FNIP1: variants seen among roughly 807,000 people sequenced by gnomAD.
The protein encoded by FNIP1 is folliculin-interacting protein 1.
A neutral mutation model predicts 124.5 loss-of-function variants in FNIP1; 40 were observed. The observed-to-expected ratio is 0.32, with a 90% CI of 0.25 to 0.42. The LOEUF (loss-of-function observed/expected upper bound fraction) is 0.42, where lower values mean the gene tolerates loss of function less well. Ranked by LOEUF, FNIP1 falls within the 10% of genes least tolerant of loss-of-function variation. The probability of loss-of-function intolerance (pLI) is 1.00; values close to 1 mark genes in which losing one functional copy is unlikely to be tolerated. For synonymous variants in FNIP1, 472 were observed against 470.6 expected (o/e 1.00, Z -0.04); for missense variants, 1,176 against 1,403.7 (o/e 0.84, Z 2.59).
chr5:131,647,857 A>C (rs1329433139), intron 16 of FNIP1, among the ~76,000 whole-genome samples: 1 of 152,144 alleles, frequency 6.6e-6, no homozygotes, highest in Non-Finnish European at 1.5e-5. Flanking sequence ...TCCATTTCCA[A>C]AACTTTTTTC....
At chr5:131,707,759 C>A (rs1769162229) in intron 8 of FNIP1, among the ~76,000 whole-genome samples, 1 of 151,868 alleles carries the variant, frequency 6.6e-6, no homozygotes, top group African/African-American at 2.4e-5. Context: ...AAAAATAACC[C>A]TATTAGAAAA....
chr5:131,667,410 G>A (rs564626015), intron 15 of FNIP1, among the ~76,000 whole-genome samples: 1 of 152,220 alleles, frequency 6.6e-6, no homozygotes, highest in South Asian at 2.1e-4. Context: ...ATCTATATTT[G>A]CCATAATTTC....
intron 1 of FNIP1, among the ~76,000 whole-genome samples, chr5:131,781,398 G>A (rs545037853): frequency 6.6e-6 from 1 of 152,190 alleles, no homozygotes; most frequent in Non-Finnish European, 1.5e-5. Flanking sequence ...GACTTCCATA[G>A]CCAGACAGGA....
chr5:131,706,007 C>G (rs1416477299), intron 9 of FNIP1, among the ~76,000 whole-genome samples: 1 of 151,950 alleles, frequency 6.6e-6, no homozygotes, highest in Non-Finnish European at 1.5e-5. Context: ...AAAGGACAAG[C>G]AGTGTATGAT....
chr5:131,673,446 T>G (rs1297198859), intron 13 of FNIP1, among the ~76,000 whole-genome samples: 1 of 152,064 alleles, frequency 6.6e-6, no homozygotes, highest in Non-Finnish European at 1.5e-5. Flanking sequence ...AATTTAAGGG[T>G]TTTCTGGTTT....
intron 15 of FNIP1, among the ~76,000 whole-genome samples, chr5:131,652,205 G>A (rs1380013773): frequency 6.6e-6 from 1 of 152,178 alleles, no homozygotes; most frequent in Non-Finnish European, 1.5e-5. Flanking sequence ...TTGAGACTTT[G>A]TATTCATTAC....
intron 15 of FNIP1, among the ~76,000 whole-genome samples, chr5:131,662,096 A>G (rs922980317): frequency 3.9e-5 from 6 of 152,194 alleles, no homozygotes; most frequent in African/African-American, 1.4e-4. Flanking sequence ...CAGGCACCCA[A>G]TCCGAAAGGG....
chr5:131,723,191 A>G (rs1769735341), intron 3 of FNIP1, among the ~76,000 whole-genome samples: 1 of 152,200 alleles, frequency 6.6e-6, no homozygotes, highest in African/African-American at 2.4e-5. Context: ...TGCCAGTATT[A>G]CTTGGCAACC....
intron 1 of FNIP1, among the ~76,000 whole-genome samples, chr5:131,764,582 G>A (rs2149573951): frequency 6.6e-6 from 1 of 152,232 alleles, no homozygotes; most frequent in African/African-American, 2.4e-5. Context: ...TGGATTAGGG[G>A]TGTCAGGCCT....
chr5:131,661,201 T>C (rs1767422348), intron 15 of FNIP1, among the ~76,000 whole-genome samples: 1 of 146,488 alleles, frequency 6.8e-6, no homozygotes, highest in African/African-American at 2.6e-5. Flanking sequence ...GGAGACCTTC[T>C]GTCCGTCTTG....
At chr5:131,648,660 C>A (rs1260926653) in intron 16 of FNIP1, among the ~76,000 whole-genome samples, 1 of 152,058 alleles carries the variant, frequency 6.6e-6, no homozygotes, top group African/African-American at 2.4e-5. Flanking sequence ...CTATATTGAC[C>A]ACTTTACAGT....
At chr5:131,699,989 CTTT>C (rs202023474) in intron 10 of FNIP1, among the ~76,000 whole-genome samples, 1 of 124,518 alleles carries the variant, frequency 8.0e-6, no homozygotes, top group Non-Finnish European at 1.7e-5. Context: ...GTAATATTTG[CTTT>C]TTTTTTTTTT....
At chr5:131,646,995 A>G in intron 17 of FNIP1, 95 bp downstream of exon 17, 1 of 1,009,056 alleles carries the variant, frequency 9.9e-7, no homozygotes, top group Non-Finnish European at 1.6e-6. Context: ...TAATAGGAGA[A>G]GACACGTAAA....
intron 1 of FNIP1, among the ~76,000 whole-genome samples, chr5:131,768,886 T>A (rs1203185568): frequency 6.6e-6 from 1 of 152,184 alleles, no homozygotes; most frequent in African/African-American, 2.4e-5. Flanking sequence ...TTAACTCAAA[T>A]GACTAAGTGG....
intron 2 of FNIP1, among the ~76,000 whole-genome samples, chr5:131,738,402 G>A (rs1770389487): frequency 1.3e-5 from 2 of 152,026 alleles, no homozygotes; most frequent in Admixed American, 6.6e-5. Flanking sequence ...TCCTTATGGT[G>A]TTGTTTTCTG....
intron 15 of FNIP1, among the ~76,000 whole-genome samples, chr5:131,657,235 C>T (rs1407758891): frequency 6.6e-6 from 1 of 151,862 alleles, no homozygotes; most frequent in Admixed American, 6.6e-5. Context: ...AACTCCTGAC[C>T]TCATGATCCA....
At chr5:131,709,086 C>G (rs1029889021) in intron 8 of FNIP1, 115 bp downstream of exon 8, 1 of 794,652 alleles carries the variant, frequency 1.3e-6, no homozygotes, top group Non-Finnish European at 2.1e-6. Flanking sequence ...TTTCACAGTT[C>G]TCTTGTAAGG....
Position 131,642,936 on chromosome 5 carries a change from C to T in FNIP1, c.*1749G>A, listed in dbSNP as rs1283670232. On this transcript the variant is annotated 3_prime_UTR_variant, in exon 18 of 18. Coordinates refer to ENST00000510461, the MANE Select transcript of FNIP1 (RefSeq NM_133372.3). ...TATGAACTTTTTAATATTCTGAATT[C>T]TGCCAAAAAGATTGACTCATAGAAT... 6.8e-6 allele frequency: 1 copy of T among 146,996 alleles called. No homozygotes were observed. Among genetic ancestry groups the T allele is most frequent in the Non-Finnish European group, 1.5e-5 (1 of 66,712 alleles). The allele number at this position is 146,996 out of a possible 1,614,324, so 9.1% of individuals were successfully genotyped here. A position where few individuals can be genotyped will look rare whatever the true frequency, so the allele number is the denominator to read the frequency against.
At chr5:131,647,416 CTTT>C (rs10625130) in intron 16 of FNIP1, among the ~76,000 whole-genome samples, 3 of 146,992 alleles carry the variant, frequency 2.0e-5, no homozygotes, top group African/African-American at 7.5e-5. Context: ...TCTACAGCGT[CTTT>C]TTTTTTTTTT....
Sources: allele counts gnomAD v4.1 joint callset (sites outside exome capture counted in the v4.1 genomes callset), GRCh38; gene constraint gnomAD v4.1.1; transcripts MANE v1.5; gene names NCBI Gene and HGNC (gene_info 2026-07-23, HGNC 2026-07-21).